Variants in GRID1 observed in about 807,000 individuals in gnomAD.
GRID1 encodes the protein glutamate ionotropic receptor delta type subunit 1.
Under a neutral mutation model 98.0 loss-of-function variants are expected in GRID1, and 28 were observed. The ratio of observed to expected loss-of-function variants is 0.29; its 90% confidence interval spans 0.21 to 0.39. The LOEUF (loss-of-function observed/expected upper bound fraction) is 0.39, where lower values mean the gene tolerates loss of function less well. Among genes scored for constraint, GRID1 ranks in the 10% least tolerant of loss-of-function variants. GRID1 has a pLI of 1.00. For missense variants in GRID1, 1,111 were observed against 1,340.5 expected, an observed-to-expected ratio of 0.83 and a Z score of 2.67; for synonymous variants, 553 against 538.5, an observed-to-expected ratio of 1.03 and a Z score of -0.37.
intron 12 of GRID1, among the ~76,000 whole-genome samples, chr10:85,654,693 G>T (rs891531883): frequency 6.6e-6 from 1 of 152,172 alleles, no homozygotes; most frequent in African/African-American, 2.4e-5. Flanking sequence ...CCTACAGCAA[G>T]ACAAACATGT....
chr10:85,702,096 AT>A (rs1351366912), intron 12 of GRID1, among the ~76,000 whole-genome samples: 2 of 152,296 alleles, frequency 1.3e-5, no homozygotes, highest in East Asian at 3.9e-4. Context: ...TAAAGAATAT[AT>A]TGTTAGAAAA....
At chr10:86,121,117 G>A (rs1484599766) in intron 4 of GRID1, among the ~76,000 whole-genome samples, 1 of 152,196 alleles carries the variant, frequency 6.6e-6, no homozygotes, top group East Asian at 1.9e-4. Flanking sequence ...AGACTCAGGA[G>A]TTATGACAAG....
intron 4 of GRID1, among the ~76,000 whole-genome samples, chr10:86,042,916 T>A (rs975376998): frequency 2.0e-5 from 3 of 151,876 alleles, no homozygotes; most frequent in African/African-American, 7.3e-5. Context: ...TAAGACCCCA[T>A]CTCTACAAAA....
At chr10:85,885,877 A>C (rs1720307907) in intron 5 of GRID1, among the ~76,000 whole-genome samples, 1 of 152,258 alleles carries the variant, frequency 6.6e-6, no homozygotes, top group South Asian at 2.1e-4. Flanking sequence ...TATAATAAAA[A>C]CTTAGATGAG....
rs144783967 is a variant in GRID1, at chr10:86,208,855, A to G, written c.236-2207T>C. 8.5e-5 allele frequency among the ~76,000 whole-genome samples: 13 copies of G among 152,338 alleles called. No individual in the cohort carries two copies. In the East Asian group the frequency reaches 1.3e-3, roughly 16 times the overall value. On this transcript the variant is annotated intron_variant, in intron 2 of 15. Coordinates refer to ENST00000327946, the MANE Select transcript of GRID1 (RefSeq NM_017551.3). Reference sequence around the variant, plus strand: ...CCCAGTCAATAATTCCTCTCTGGGTACCTGTCCAAACCGTAGGAACAGCAC... The same window carrying G: ...CCCAGTCAATAATTCCTCTCTGGGTGCCTGTCCAAACCGTAGGAACAGCAC...
intron 3 of GRID1, among the ~76,000 whole-genome samples, chr10:86,155,075 C>A (rs1845225890): frequency 6.6e-6 from 1 of 152,218 alleles, no homozygotes; most frequent in South Asian, 2.1e-4. Context: ...GAACATGCCT[C>A]CTATACAGAA....
intron 8 of GRID1, among the ~76,000 whole-genome samples, chr10:85,841,369 A>C (rs1406071174): frequency 9.9e-5 from 15 of 152,190 alleles, no homozygotes; most frequent in Admixed American, 9.8e-4. Context: ...AAAGCCCCAA[A>C]CTACAAAAAC....
intron 2 of GRID1, among the ~76,000 whole-genome samples, chr10:86,336,370 C>T (rs911841155): frequency 2.6e-5 from 4 of 152,180 alleles, no homozygotes; most frequent in Non-Finnish European, 5.9e-5. Flanking sequence ...ATGGAAGAAC[C>T]GTGACATCCA....
At chr10:86,022,777 G>C (rs1307662860) in intron 4 of GRID1, among the ~76,000 whole-genome samples, 1 of 151,984 alleles carries the variant, frequency 6.6e-6, no homozygotes, top group African/African-American at 2.4e-5. Flanking sequence ...AATTAGCCAG[G>C]CATGGTGGCA....
chr10:85,797,127 C>A (rs1842532484), intron 8 of GRID1, among the ~76,000 whole-genome samples: 1 of 151,996 alleles, frequency 6.6e-6, no homozygotes, highest in Non-Finnish European at 1.5e-5. Context: ...AAGAGAATAG[C>A]AGGATGATAT....
chr10:86,128,397 C>T (rs369296146), intron 4 of GRID1, among the ~76,000 whole-genome samples: 2 of 152,292 alleles, frequency 1.3e-5, no homozygotes, highest in African/African-American at 4.8e-5. Flanking sequence ...CCCTCCAGTT[C>T]TTTTCTCCCC....
At chr10:86,144,573 G>A (rs1344011656) in intron 3 of GRID1, among the ~76,000 whole-genome samples, 1 of 152,018 alleles carries the variant, frequency 6.6e-6, no homozygotes, top group Admixed American at 6.6e-5. Context: ...CCATGACTCT[G>A]CTCTAAAGCT....
intron 9 of GRID1, among the ~76,000 whole-genome samples, chr10:85,728,383 T>A (rs1841786077): frequency 6.6e-6 from 1 of 152,172 alleles, no homozygotes; most frequent in Non-Finnish European, 1.5e-5. Flanking sequence ...GAGCTAGGAC[T>A]GTATCCTTAG....
At chr10:86,085,306 C>T (rs937773064) in intron 4 of GRID1, among the ~76,000 whole-genome samples, 2 of 152,184 alleles carry the variant, frequency 1.3e-5, no homozygotes, top group Non-Finnish European at 2.9e-5. Flanking sequence ...GGGGCTCTGC[C>T]CTGCCACTGC....
chr10:85,690,899 C>T (rs1221447615), intron 12 of GRID1, among the ~76,000 whole-genome samples: 2 of 151,454 alleles, frequency 1.3e-5, no homozygotes, highest in South Asian at 2.1e-4. Flanking sequence ...ACACATTGTT[C>T]CAGAGTCTTG....
rs1035473643 is a variant in GRID1 at position 85,856,589 on chromosome 10, C to T, written c.952-399G>A. 2.0e-5 allele frequency among the ~76,000 whole-genome samples: 3 copies of T among 152,172 alleles called. No homozygotes were observed. In the South Asian group the frequency reaches 6.2e-4, roughly 31 times the overall value. ...AGCATTTGCAAGGGCATGAAGGTGT[C>T]AAGAGACAGGGCCAGGTACAGCACA... is the stretch of plus-strand genomic sequence containing the variant. On this transcript the variant is annotated intron_variant, in intron 6 of 15. Coordinates refer to ENST00000327946, the MANE Select transcript of GRID1 (RefSeq NM_017551.3).
chr10:86,132,497 T>C (rs1844852908), intron 4 of GRID1, among the ~76,000 whole-genome samples: 4 of 152,256 alleles, frequency 2.6e-5, no homozygotes, highest in Admixed American at 2.6e-4. Context: ...CAGTGGGATA[T>C]AATTAAATGC....
intron 4 of GRID1, among the ~76,000 whole-genome samples, chr10:86,126,662 C>A (rs996936243): frequency 6.6e-6 from 1 of 152,192 alleles, no homozygotes; most frequent in Non-Finnish European, 1.5e-5. Context: ...ATCAGCCCTG[C>A]CACAGGCAGA....
chr10:86,137,010 C>T (rs769766648), intron 4 of GRID1, among the ~76,000 whole-genome samples: 2 of 151,994 alleles, frequency 1.3e-5, no homozygotes, highest in African/African-American at 2.4e-5. Flanking sequence ...AAGTGGCCAC[C>T]CCAGAGCCTT....
Sources: allele counts gnomAD v4.1 joint callset (sites outside exome capture counted in the v4.1 genomes callset), GRCh38; gene constraint gnomAD v4.1.1; transcripts MANE v1.5; gene names NCBI Gene and HGNC (gene_info 2026-07-23, HGNC 2026-07-21).